Variants in TAF2 observed in about 807,000 individuals in gnomAD.
TAF2 encodes the protein transcription initiation factor TFIID subunit 2.
Under a neutral mutation model 138.5 loss-of-function variants are expected in TAF2, and 61 were observed. That is an observed-to-expected ratio of 0.44 (90% CI 0.36 to 0.54). The LOEUF (loss-of-function observed/expected upper bound fraction) is 0.54, where lower values mean the gene tolerates loss of function less well. Among genes scored for constraint, TAF2 ranks in the 20% least tolerant of loss-of-function variants. TAF2 has a pLI of 0.00. For synonymous variants in TAF2, 475 were observed against 469.9 expected (o/e 1.01, Z -0.14); for missense variants, 1,090 against 1,427.9 (o/e 0.76, Z 3.81).
At chr8:119,830,188 G>A (rs533928956) in intron 2 of TAF2, among the ~76,000 whole-genome samples, 10 of 152,106 alleles carry the variant, frequency 6.6e-5, no homozygotes, top group South Asian at 2.1e-4. Flanking sequence ...GTGAGCCACC[G>A]TGCCTGGCCC....
intron 6 of TAF2, among the ~76,000 whole-genome samples, chr8:119,799,313 C>A (rs1049933745): frequency 3.3e-5 from 5 of 152,022 alleles, no homozygotes; most frequent in African/African-American, 4.8e-5. Flanking sequence ...CCCATCCCCC[C>A]ACCCCACGAC....
At chr8:119,735,780 G>T (rs1479951458) in intron 25 of TAF2, among the ~76,000 whole-genome samples, 1 of 152,146 alleles carries the variant, frequency 6.6e-6, no homozygotes, top group African/African-American at 2.4e-5. Context: ...TTTTAATTCA[G>T]ATTTTAATAC....
At chr8:119,824,819 G>C (rs1017723204) in intron 2 of TAF2, among the ~76,000 whole-genome samples, 1 of 152,250 alleles carries the variant, frequency 6.6e-6, no homozygotes, top group African/African-American at 2.4e-5. Flanking sequence ...CAAGAATTGA[G>C]GTTTGGGAAC....
intron 3 of TAF2, among the ~76,000 whole-genome samples, chr8:119,815,748 G>A (rs1196212019): frequency 6.6e-6 from 1 of 152,152 alleles, no homozygotes; most frequent in Admixed American, 6.5e-5. Flanking sequence ...ACACCAAAGT[G>A]TAGCTCCTGT....
At chr8:119,787,058 T>G (rs764395410) in intron 14 of TAF2, among the ~76,000 whole-genome samples, 2 of 152,072 alleles carry the variant, frequency 1.3e-5, no homozygotes, top group Non-Finnish European at 2.9e-5. Flanking sequence ...ACAAATGGGA[T>G]CTAATGAAAC....
intron 15 of TAF2, 87 bp downstream of exon 15, chr8:119,785,114 G>T: frequency 1.9e-6 from 2 of 1,046,980 alleles, no homozygotes; most frequent in Non-Finnish European, 3.0e-6. Context: ...TTGGAGGACA[G>T]TTATACACTT....
chr8:119,825,895 T>C (rs1826066809), intron 2 of TAF2, among the ~76,000 whole-genome samples: 2 of 151,292 alleles, frequency 1.3e-5, no homozygotes, highest in African/African-American at 4.9e-5. Flanking sequence ...GGTTTCACTG[T>C]GTTAGCCAGG....
chr8:119,790,987 G>GC (rs892326078), intron 11 of TAF2, among the ~76,000 whole-genome samples: 1 of 151,346 alleles, frequency 6.6e-6, no homozygotes, highest in East Asian at 1.9e-4. Context: ...TTTTGAGATG[G>GC]GGGGGGTCTT....
chr8:119,802,078 G>A (rs1269863727), intron 5 of TAF2, 53 bp from the exon 6 acceptor site: 3 of 1,410,332 alleles, frequency 2.1e-6, no homozygotes, highest in East Asian at 2.4e-5. Flanking sequence ...TCTCTACATT[G>A]TTTTCCCCAC....
intron 25 of TAF2, 56 bp downstream of exon 25, chr8:119,742,478 C>CATAGGAAATT: frequency 1.9e-6 from 3 of 1,588,536 alleles, no homozygotes; most frequent in Non-Finnish European, 2.6e-6. Flanking sequence ...AACTCTATTA[C>CATAGGAAATT]ATTTATAGAT....
rs372352067 is a variant in TAF2, at chr8:119,742,706, A to G, written c.3215-50T>C. ...AGAGGGATTTATTTCTTTGTTTCCCAAAAGAAAAAAAAAGGCTGACAGGTT... is the reference window on the plus strand; with the variant it reads ...AGAGGGATTTATTTCTTTGTTTCCCGAAAGAAAAAAAAAGGCTGACAGGTT... On this transcript the variant is annotated intron_variant, in intron 24 of 25. Transcript: ENST00000378164. 3 of 1,598,490 alleles carry G rather than the reference A, an allele frequency of 1.9e-6. No individual in the cohort carries two copies. The African/African-American group carries it at 4.0e-5, about 22-fold the overall frequency.
At chr8:119,782,673 G>C (rs990624149) in intron 16 of TAF2, among the ~76,000 whole-genome samples, 3 of 152,078 alleles carry the variant, frequency 2.0e-5, no homozygotes, top group Admixed American at 6.6e-5. Context: ...GCATTTTTCT[G>C]ATTTTCATTT....
intron 2 of TAF2, among the ~76,000 whole-genome samples, chr8:119,829,894 C>G (rs1216409570): frequency 7.0e-6 from 1 of 143,126 alleles, no homozygotes; most frequent in East Asian, 2.0e-4. Context: ...GAGTCTTGCT[C>G]CGTCGCCCAG....
Position 119,819,509 on chromosome 8 carries a change from GTA to G in TAF2, c.139-5_139-4del. The G allele has an allele frequency of 6.2e-7, 1 of 1,602,468 alleles. No individual in the cohort carries two copies. The highest frequency in any genetic ancestry group is 8.5e-7 in the Non-Finnish European group (1 of 1,176,828). On this transcript the variant is annotated splice_polypyrimidine_tract_variant and splice_region_variant and intron_variant, in intron 2 of 25. Transcript: ENST00000378164. The stretch of plus-strand genomic sequence containing the variant: ...AATATAGTCAGTTCCACAAATCCCT[GTA>G]AAGATAGAGAATAACAACTTCATTA...
intron 2 of TAF2, among the ~76,000 whole-genome samples, chr8:119,830,646 A>C (rs1826387818): frequency 6.6e-6 from 1 of 152,210 alleles, no homozygotes; most frequent in Non-Finnish European, 1.5e-5. Context: ...ATGACTCATG[A>C]AAAGCGACAT....
chr8:119,780,872 T>A (rs4871599), intron 17 of TAF2, among the ~76,000 whole-genome samples, 181 bp downstream of exon 17: 40,821 of 147,992 alleles, frequency 0.28, 6,793 homozygotes, highest in Admixed American at 0.46. Context: ...GAGGCGGAGC[T>A]TGCAGTGAGC....
chr8:119,781,155 T>C lies in TAF2; in HGVS notation c.2151A>G (p.Pro717=), dbSNP rs1164505139. The C allele has an allele frequency of 6.2e-7, 1 of 1,614,166 alleles. No homozygotes were observed. Among genetic ancestry groups the C allele is most frequent in the East Asian group, 2.2e-5 (1 of 44,866 alleles). ...NSMVSTWTGP[P]AMKSLFTRMF... ...TCCTAGTGAAGAGTGACTTCATGGCTGGTGGTCCTGTCCATGTGCTCACCA... is the reference window on the plus strand; with the variant it reads ...TCCTAGTGAAGAGTGACTTCATGGCCGGTGGTCCTGTCCATGTGCTCACCA... The change falls in exon 17 of 26, where the codon CCA becomes CCG. Residue 717 remains proline (P), a synonymous_variant. Transcript: ENST00000378164.
chr8:119,806,185 A>C (rs1300178332), intron 4 of TAF2, 98 bp downstream of exon 4: 6 of 1,048,924 alleles, frequency 5.7e-6, no homozygotes, highest in Non-Finnish European at 8.8e-6. Flanking sequence ...TACAGGCATG[A>C]GGCACAGTGC....
chr8:119,798,383 G>A (rs1563895905), intron 6 of TAF2, among the ~76,000 whole-genome samples: 1 of 151,908 alleles, frequency 6.6e-6, no homozygotes, highest in African/African-American at 2.4e-5. Flanking sequence ...TAGTAACTCT[G>A]TTTTTTTTCA....
Sources: gnomAD v4.1 joint callset for allele counts (sites outside exome capture counted in the v4.1 genomes callset) on GRCh38, gnomAD v4.1.1 for gene constraint, MANE v1.5 for transcripts, NCBI Gene and HGNC (gene_info 2026-07-23, HGNC 2026-07-21) for gene names.